CA4: variants seen among roughly 807,000 people sequenced by gnomAD.
CA4 encodes the protein carbonic anhydrase 4.
Under a neutral mutation model 34.5 loss-of-function variants are expected in CA4, and 24 were observed. That is an observed-to-expected ratio of 0.70 (90% confidence interval 0.50 to 0.98). The LOEUF is 0.98. Ranked by LOEUF, CA4 falls within the 50% of genes least tolerant of loss-of-function variation. The probability of loss-of-function intolerance (pLI) is 0.00; values close to 1 mark genes in which losing one functional copy is unlikely to be tolerated. For missense variants in CA4, 394 were observed against 396.7 expected (o/e 0.99, Z 0.06); for synonymous variants, 178 against 170.6 (o/e 1.04, Z -0.34).
intron 4 of CA4, 52 bp from the exon 5 acceptor site, chr17:60,157,638 G>A: frequency 6.2e-7 from 1 of 1,612,698 alleles, no homozygotes; most frequent in Non-Finnish European, 8.5e-7. Context: ...TGGGCAAGGA[G>A]GGTAGTCCAG....
chr17:60,150,789 T>C (rs916643949), intron 1 of CA4, among the ~76,000 whole-genome samples: 8 of 149,544 alleles, frequency 5.3e-5, no homozygotes, highest in Non-Finnish European at 1.0e-4. Context: ...GACTCAGCGC[T>C]GGGTGACTGC....
intron 3 of CA4, chr17:60,157,009 T>G (rs2083699077): frequency 5.6e-6 from 3 of 535,006 alleles, no homozygotes; most frequent in Middle Eastern, 5.1e-4. Context: ...TGCCAGGAGC[T>G]CTGTGTGGAG....
Position 60,149,982 on chromosome 17 carries a change from G to C in CA4, c.-53G>C. ...CCGGCAGGATCGCTGCACCCGCGGC[G>C]GCCTCCTCGGTGCGCGACCCCCGGC... is the stretch of plus-strand genomic sequence containing the variant. On this transcript the variant is annotated 5_prime_UTR_variant, in exon 1 of 8. Transcript: ENST00000300900. The C allele has an allele frequency of 6.8e-7, 1 of 1,462,818 alleles. No individual in the cohort carries two copies. The highest frequency in any genetic ancestry group is 9.4e-7 in the Non-Finnish European group (1 of 1,059,854). The allele number at this position is 1,462,818 out of a possible 1,614,324, so 90.6% of individuals were successfully genotyped here.
rs75306386 is a variant in CA4 at position 60,156,386 on chromosome 17, A to G, written c.113-174A>G. On this transcript the variant is annotated intron_variant, in intron 2 of 7. Coordinates refer to ENST00000300900, the MANE Select transcript of CA4 (RefSeq NM_000717.5). ...CTGTGGAGGAGGAGGAGGAGGGCCC[A>G]GGGAGGGCGAGAGTGGAGTTCGGAG... is the stretch of plus-strand genomic sequence containing the variant. 2.5e-3 allele frequency among the ~76,000 whole-genome samples: 380 copies of G among 152,266 alleles called. 6 individuals are homozygous for G. The highest frequency in any genetic ancestry group is 0.02 in the East Asian group (105 of 5,176).
downstream of CA4, among the ~76,000 whole-genome samples, chr17:60,161,112 G>C (rs1271474746): frequency 6.6e-6 from 1 of 152,080 alleles, no homozygotes; most frequent in Non-Finnish European, 1.5e-5. Flanking sequence ...CAAGGGTGTG[G>C]GGCTTGGTCC....
chr17:60,171,658 GACATCCAATCC>G (rs1364421585), downstream of CA4, among the ~76,000 whole-genome samples: 1 of 152,178 alleles, frequency 6.6e-6, no homozygotes, highest in Non-Finnish European at 1.5e-5. Context: ...TGCTTTAGCA[GACATCCAATCC>G]ACAGCGGTTG....
At chr17:60,163,195 G>A (rs1422727441), downstream of CA4, among the ~76,000 whole-genome samples, 1 of 152,056 alleles carries the variant, frequency 6.6e-6, no homozygotes, top group Admixed American at 6.6e-5. Context: ...CCAGAGTCGT[G>A]GGGGCTGTGT....
downstream of CA4, among the ~76,000 whole-genome samples, chr17:60,161,011 G>A (rs971676932): frequency 6.6e-6 from 1 of 151,890 alleles, no homozygotes; most frequent in Non-Finnish European, 1.5e-5. Flanking sequence ...AAGGCAGAAC[G>A]CAGGGACAGT....
downstream of CA4, among the ~76,000 whole-genome samples, chr17:60,161,284 G>A (rs892903382): frequency 9.2e-5 from 14 of 152,084 alleles, no homozygotes; most frequent in African/African-American, 1.9e-4. Flanking sequence ...GGACCCACGC[G>A]GTCCCCAAGC....
downstream of CA4, among the ~76,000 whole-genome samples, chr17:60,163,479 C>T (rs1013604736): frequency 2.0e-5 from 3 of 152,184 alleles, no homozygotes; most frequent in African/African-American, 7.2e-5. Flanking sequence ...CTCCTGCTGT[C>T]CCCGGTGACC....
At chr17:60,167,817 C>T (rs1311465956) in intron 5 of CA4, among the ~76,000 whole-genome samples, 2 of 152,166 alleles carry the variant, frequency 1.3e-5, no homozygotes, top group East Asian at 3.9e-4. Flanking sequence ...GGTGGCTTTG[C>T]ACCTCCATTC....
downstream of CA4, among the ~76,000 whole-genome samples, chr17:60,161,601 C>T (rs1030864331): frequency 6.6e-6 from 1 of 151,850 alleles, no homozygotes; most frequent in Non-Finnish European, 1.5e-5. Flanking sequence ...CCTTCTCTCA[C>T]CCCGAGCCCC....
intron 2 of CA4, 129 bp downstream of exon 2, chr17:60,155,496 C>CCT (rs2083662565): frequency 1.6e-6 from 1 of 619,146 alleles, no homozygotes; most frequent in Non-Finnish European, 2.9e-6. Flanking sequence ...CAGTTCCCAG[C>CCT]ATACACACAC....
rs1337599365 is a variant in CA4 at position 60,157,068 on chromosome 17, A to AGCTGG, written c.269-352_269-348dup. 7.8e-6 allele frequency: 4 copies of AGCTGG among 515,648 alleles called. No homozygotes were observed. In the East Asian group the frequency reaches 1.1e-4, roughly 14 times the overall value. The allele number at this position is 515,648 out of a possible 1,614,324, so 31.9% of individuals were successfully genotyped here. A position where few individuals can be genotyped will look rare whatever the true frequency, so the allele number is the denominator to read the frequency against. On this transcript the variant is annotated intron_variant, in intron 3 of 7. Transcript: ENST00000300900. ...CAGAGCCCAAGCAAGGCCCAGGGGC[A>AGCTGG]GCTGGGCTGGGGCCCAAGGGCAGAT...
At chr17:60,173,435 C>A (rs1279733381), downstream of CA4, among the ~76,000 whole-genome samples, 1 of 152,186 alleles carries the variant, frequency 6.6e-6, no homozygotes, top group Non-Finnish European at 1.5e-5. Context: ...ATCTGAATCA[C>A]CCTCTCCACA....
chr17:60,158,165 G>C, intron 6 of CA4, 38 bp downstream of exon 6: 2 of 1,611,766 alleles, frequency 1.2e-6, no homozygotes, highest in East Asian at 2.2e-5. Context: ...GGGGTGAGGG[G>C]GGGGATTCCT....
intron 7 of CA4, chr17:60,159,004 G>A: frequency 3.3e-6 from 2 of 599,218 alleles, no homozygotes; most frequent in Non-Finnish European, 6.0e-6. Context: ...GCCCCCTGGG[G>A]TGTGAGTGAA....
chr17:60,158,214 C>T, intron 6 of CA4, 69 bp from the exon 7 acceptor site: 1 of 1,607,412 alleles, frequency 6.2e-7, no homozygotes, highest in Non-Finnish European at 8.5e-7. Context: ...GAGCTGGGCT[C>T]TCAGAGTGCA....
At chr17:60,160,687 T>C (rs1214320282), downstream of CA4, among the ~76,000 whole-genome samples, 1 of 148,030 alleles carries the variant, frequency 6.8e-6, no homozygotes, top group Non-Finnish European at 1.5e-5. Context: ...TGAGGCAGAG[T>C]TTGCAGTAAG....
Sources: gnomAD v4.1 joint callset for allele counts (sites outside exome capture counted in the v4.1 genomes callset) on GRCh38, gnomAD v4.1.1 for gene constraint, MANE v1.5 for transcripts, NCBI Gene and HGNC (gene_info 2026-07-23, HGNC 2026-07-21) for gene names.